SHROOM3: variants seen among roughly 807,000 people sequenced by gnomAD.
The protein encoded by SHROOM3 is protein Shroom3.
A neutral mutation model predicts 138.6 loss-of-function variants in SHROOM3; 47 were observed. That is an observed-to-expected ratio of 0.34 (90% CI 0.27 to 0.43). The LOEUF is 0.43. Ranked by LOEUF, SHROOM3 falls within the 20% of genes least tolerant of loss-of-function variation. The pLI is 1.00. For missense variants in SHROOM3, 2,491 were observed against 2,596.5 expected (o/e 0.96, Z 0.88); for synonymous variants, 1,062 against 1,063.3 (o/e 1.00, Z 0.02).
At chr4:76,777,672 C>G (rs1449970370) in intron 10 of SHROOM3, among the ~76,000 whole-genome samples, 1 of 152,106 alleles carries the variant, frequency 6.6e-6, no homozygotes, top group African/African-American at 2.4e-5. Context: ...TTGTCTTGTT[C>G]CAGTTCTCAG....
At chr4:76,675,263 C>T (rs891584136) in intron 2 of SHROOM3, among the ~76,000 whole-genome samples, 5 of 152,146 alleles carry the variant, frequency 3.3e-5, no homozygotes, top group African/African-American at 1.2e-4. Context: ...GAACAGGGAT[C>T]TCATGCTGGA....
rs918421698 is a variant in SHROOM3 at position 76,779,370 on chromosome 4, A to T, written c.*193A>T. ...TCCTGATTGATCTTCTGAGAGCTCG[A>T]ATGCTGCTGGACACGTACCCCTTTC... On this transcript the variant is annotated 3_prime_UTR_variant, in exon 11 of 11. Coordinates refer to ENST00000296043, the MANE Select transcript of SHROOM3 (RefSeq NM_020859.4). 1 of 657,196 alleles carries T rather than the reference A, an allele frequency of 1.5e-6. No individual in the cohort carries two copies. The highest frequency in any genetic ancestry group is 1.8e-5 in the African/African-American group (1 of 54,926). The allele number at this position is 657,196 out of a possible 1,614,324, so 40.7% of individuals were successfully genotyped here.
At position 76,754,746 on chromosome 4, in the gene SHROOM3, G is replaced by A. The variant is rs763429738; in HGVS notation, c.4263G>A (p.Ser1421=). 9 of 1,614,160 alleles carry A rather than the reference G, an allele frequency of 5.6e-6. No homozygotes were observed. Among genetic ancestry groups the A allele is most frequent in the Admixed American group, 1.7e-5 (1 of 60,022 alleles). ...GVEEGTRKRV[S]LPQWPPPSRA... is the part of the protein sequence containing the mutation. The stretch of plus-strand genomic sequence containing the variant: ...AAGAGGGAACGAGGAAGAGGGTCTC[G>A]CTGCCTCAGTGGCCACCTCCTTCTC... Residue 1421 remains serine, a synonymous_variant, in exon 7 of 11, where the codon TCG becomes TCA. Coordinates refer to ENST00000296043, the MANE Select transcript of SHROOM3 (RefSeq NM_020859.4).
intron 1 of SHROOM3, among the ~76,000 whole-genome samples, chr4:76,473,025 C>T (rs1307550837): frequency 3.3e-5 from 5 of 152,116 alleles, no homozygotes; most frequent in Non-Finnish European, 5.9e-5. Flanking sequence ...ATCAAAAGCA[C>T]AAGCAACCAG....
intron 1 of SHROOM3, among the ~76,000 whole-genome samples, chr4:76,464,000 C>G (rs1731197174): frequency 6.6e-6 from 1 of 152,222 alleles, no homozygotes; most frequent in African/African-American, 2.4e-5. Flanking sequence ...ATCAGAGTCC[C>G]CACACAGAGT....
At chr4:76,580,588 G>A (rs961527402) in intron 2 of SHROOM3, among the ~76,000 whole-genome samples, 1 of 151,712 alleles carries the variant, frequency 6.6e-6, no homozygotes, top group Non-Finnish European at 1.5e-5. Context: ...CACCACACCT[G>A]GCTAATTTTG....
In SHROOM3 at chr4:76,720,226, A is replaced by G. The variant is rs532275870; in HGVS notation, c.455+9939A>G. Among the ~76,000 whole-genome samples, 3 of 126,158 alleles carry G rather than the reference A, an allele frequency of 2.4e-5. No homozygotes were observed. The Admixed American group carries it at 3.0e-4, about 13-fold the overall frequency. 82.8% of individuals were successfully genotyped at this position (126,158 alleles called of 152,430 possible). On this transcript the variant is annotated intron_variant, in intron 3 of 10. Coordinates refer to ENST00000296043, the MANE Select transcript of SHROOM3 (RefSeq NM_020859.4). ...GGATAGTCTTGAGGAGCCTGGAAGT[A>G]GTTATAGAAACAAGGAGTTGGCCGG...
At chr4:76,757,622 C>T (rs1372187626) in intron 8 of SHROOM3, among the ~76,000 whole-genome samples, 1 of 152,158 alleles carries the variant, frequency 6.6e-6, no homozygotes, top group Non-Finnish European at 1.5e-5. Context: ...TGGGTGTTGG[C>T]GCAAATCCTG....
intron 2 of SHROOM3, among the ~76,000 whole-genome samples, chr4:76,648,239 G>A (rs1560579301): frequency 6.6e-6 from 1 of 152,122 alleles, no homozygotes; most frequent in Non-Finnish European, 1.5e-5. Flanking sequence ...GGGATGGGAG[G>A]ATTGCTTGAG....
chr4:76,739,943 C>G lies in SHROOM3; in HGVS notation c.1770C>G (p.Ser590Arg), dbSNP rs1176066541. Residue 590 changes from serine to arginine, a missense_variant, in exon 5 of 11, where the codon AGC becomes AGG. This residue lies in a region of SHROOM3 where 1,733 missense variants were observed against 1,661.6 expected (regional missense o/e 1.04). Transcript: ENST00000296043. ...GNSPHSNERK[S>R]THSNKPSSHP... Reference sequence around the variant, plus strand: ...GCCCACATTCCAATGAGAGAAAGAGCACCCACAGTAACAAACCATCTTCTC... The same window carrying G: ...GCCCACATTCCAATGAGAGAAAGAGGACCCACAGTAACAAACCATCTTCTC... 1 of 1,614,152 alleles carries G rather than the reference C, an allele frequency of 6.2e-7. No homozygotes were observed. Among genetic ancestry groups the G allele is most frequent in the Admixed American group, 1.7e-5 (1 of 60,030 alleles).
intron 2 of SHROOM3, among the ~76,000 whole-genome samples, chr4:76,577,270 A>G (rs1222185341): frequency 6.6e-6 from 1 of 152,212 alleles, no homozygotes; most frequent in African/African-American, 2.4e-5. Flanking sequence ...ATATCTTTCT[A>G]CATTAAAAAT....
chr4:76,742,212 G>T, intron 5 of SHROOM3: 6 of 461,546 alleles, frequency 1.3e-5, no homozygotes, highest in South Asian at 2.7e-5. Flanking sequence ...AAAAATGCAA[G>T]GTTAAGAAAA....
chr4:76,613,900 C>T (rs1296354941), intron 2 of SHROOM3, among the ~76,000 whole-genome samples: 2 of 152,192 alleles, frequency 1.3e-5, no homozygotes, highest in Non-Finnish European at 2.9e-5. Flanking sequence ...CCGTATTTTA[C>T]AGATTGTAAA....
chr4:76,745,325 C>G (rs926511214), intron 5 of SHROOM3, among the ~76,000 whole-genome samples: 1 of 152,112 alleles, frequency 6.6e-6, no homozygotes, highest in Admixed American at 6.5e-5. Context: ...AAAGAGAAAC[C>G]CTTGGAGAAA....
Position 76,754,775 on chromosome 4 carries a change from C to T in SHROOM3, c.4292C>T (p.Ala1431Val), listed in dbSNP as rs1237994572. Residue 1431 changes from alanine to valine, a missense_variant, in exon 7 of 11, where the codon GCA becomes GTA. By Grantham distance (64) the Ala-to-Val change is moderately conservative. Around this residue, in one of 4 missense-constraint regions of SHROOM3, gnomAD observed 1,733 missense variants for 1,661.6 expected, o/e 1.04. Transcript: ENST00000296043. ...SLPQWPPPSR[A>V]KWAHAAREDS... ...CCTCAGTGGCCACCTCCTTCTCGAG[C>T]AAAGTGGGCCCACGCAGCCAGAGAG... The T allele has an allele frequency of 6.2e-7, 1 of 1,614,172 alleles. No individual in the cohort carries two copies. Among genetic ancestry groups the T allele is most frequent in the Non-Finnish European group, 8.5e-7 (1 of 1,180,010 alleles).
intron 1 of SHROOM3, among the ~76,000 whole-genome samples, chr4:76,495,343 T>A (rs1328589383): frequency 1.3e-5 from 2 of 152,098 alleles, no homozygotes; most frequent in African/African-American, 4.8e-5. Flanking sequence ...GCAAAAAAAA[T>A]GAGGTTACAT....
intron 2 of SHROOM3, among the ~76,000 whole-genome samples, chr4:76,655,508 A>G (rs1041056152): frequency 2.0e-5 from 3 of 152,216 alleles, no homozygotes; most frequent in Admixed American, 6.5e-5. Flanking sequence ...GAAAAATGTC[A>G]CTGGGCTAAA....
intron 2 of SHROOM3, among the ~76,000 whole-genome samples, chr4:76,579,774 G>C (rs986234786): frequency 3.9e-5 from 6 of 152,218 alleles, no homozygotes; most frequent in African/African-American, 1.4e-4. Context: ...ACAAACACTG[G>C]TTGGCCAGTT....
intron 1 of SHROOM3, among the ~76,000 whole-genome samples, chr4:76,460,010 AT>A (rs1731109060): frequency 6.6e-6 from 1 of 152,210 alleles, no homozygotes; most frequent in South Asian, 2.1e-4. Flanking sequence ...TGTTTGTTAC[AT>A]TACCCAGGAA....
Sources: gnomAD v4.1 joint callset for allele counts (sites outside exome capture counted in the v4.1 genomes callset) on GRCh38, gnomAD v4.1.1 for gene constraint, gnomAD v4.1.1 regional missense constraint, MANE v1.5 for transcripts, NCBI Gene and HGNC (gene_info 2026-07-23, HGNC 2026-07-21) for gene names.